DESI2: variants seen among roughly 807,000 people sequenced by gnomAD.
The protein encoded by DESI2 is desumoylating isopeptidase 2, also known as deubiquitinase DESI2.
A neutral mutation model predicts 24.1 loss-of-function variants in DESI2; 10 were observed. The observed-to-expected ratio is 0.41, with a 90% CI of 0.26 to 0.70. The LOEUF is 0.70. DESI2 is among the 30% of genes least tolerant of loss of function. DESI2 has a pLI of 0.29. For missense variants in DESI2, 122 were observed against 234.9 expected, an observed-to-expected ratio of 0.52 and a Z score of 3.14; for synonymous variants, 71 against 87.7, an observed-to-expected ratio of 0.81 and a Z score of 1.06.
rs1172275661 is a variant in DESI2, at chr1:244,661,898, G to T, written c.42+8543G>T. On this transcript the variant is annotated intron_variant, in intron 1 of 4. Transcript: ENST00000302550. ...TGTGCATGTGTCTTTATAGCAGCAT[G>T]ATTTATAATCCTTTGGGTACATACC... Among the ~76,000 whole-genome samples, 3 of 152,206 alleles carry T rather than the reference G, an allele frequency of 2.0e-5. No homozygotes were observed. The South Asian group carries it at 6.2e-4, about 32-fold the overall frequency.
At chr1:244,700,886 C>G (rs1332566691) in intron 4 of DESI2, among the ~76,000 whole-genome samples, 1 of 152,088 alleles carries the variant, frequency 6.6e-6, no homozygotes, top group East Asian at 1.9e-4. Flanking sequence ...TTTTGTTGTT[C>G]TTTCATCTTT....
At chr1:244,664,504 G>C (rs2148785857) in intron 1 of DESI2, among the ~76,000 whole-genome samples, 1 of 152,338 alleles carries the variant, frequency 6.6e-6, no homozygotes, top group East Asian at 1.9e-4. Context: ...CCAGCACTTT[G>C]AGAGGCTGAG....
chr1:244,685,543 C>T (rs1315382605), intron 1 of DESI2, among the ~76,000 whole-genome samples: 3 of 152,028 alleles, frequency 2.0e-5, no homozygotes, highest in Admixed American at 6.6e-5. Context: ...CTTCCAGGTA[C>T]GTTTTATTTT....
intron 2 of DESI2, 150 bp downstream of exon 2, chr1:244,686,819 G>A: frequency 1.9e-6 from 1 of 526,040 alleles, no homozygotes; most frequent in Non-Finnish European, 3.4e-6. Flanking sequence ...CATTTATACT[G>A]CGTTTTGGAA....
chr1:244,674,667 CTGTGGTAGCA>C (rs1429888632), intron 1 of DESI2, among the ~76,000 whole-genome samples: 1 of 152,166 alleles, frequency 6.6e-6, no homozygotes, highest in Non-Finnish European at 1.5e-5. Flanking sequence ...AGGTTCATTC[CTGTGGTAGCA>C]TGCATCAAAT....
intron 1 of DESI2, among the ~76,000 whole-genome samples, chr1:244,671,832 T>C (rs946815663): frequency 3.3e-5 from 5 of 152,358 alleles, no homozygotes; most frequent in East Asian, 1.9e-4. Flanking sequence ...GTTAAACATA[T>C]CAATATTTTA....
intron 1 of DESI2, among the ~76,000 whole-genome samples, chr1:244,672,832 GC>G (rs1217043053): frequency 1.3e-5 from 2 of 151,884 alleles, no homozygotes; most frequent in African/African-American, 4.8e-5. Flanking sequence ...AGCCAAGATC[GC>G]CCCATTGCAC....
At chr1:244,692,401 G>C (rs1056578699) in intron 4 of DESI2, among the ~76,000 whole-genome samples, 1 of 151,532 alleles carries the variant, frequency 6.6e-6, no homozygotes. Flanking sequence ...TAAGTAATTC[G>C]TGTCTTCCAT....
chr1:244,669,693 A>C (rs1156266426), intron 1 of DESI2, among the ~76,000 whole-genome samples: 1 of 152,136 alleles, frequency 6.6e-6, no homozygotes, highest in Non-Finnish European at 1.5e-5. Flanking sequence ...AAAGAAAAAA[A>C]GAAACTAGAC....
chr1:244,694,643 G>A, intron 4 of DESI2: 2 of 832,952 alleles, frequency 2.4e-6, no homozygotes, highest in Non-Finnish European at 4.3e-6. Flanking sequence ...TCTGAAGGTG[G>A]TAGGCCTTAG....
intron 1 of DESI2, among the ~76,000 whole-genome samples, chr1:244,666,972 T>C (rs1459167134): frequency 2.0e-5 from 3 of 152,040 alleles, no homozygotes; most frequent in Admixed American, 1.3e-4. Context: ...AATAGCATGG[T>C]AAAGACTGGC....
intron 4 of DESI2, chr1:244,694,293 T>G (rs777013887): frequency 7.4e-6 from 3 of 407,854 alleles, no homozygotes; most frequent in Non-Finnish European, 1.4e-5. Context: ...GTTTTTACAT[T>G]CTTTTTAAGG....
chr1:244,660,310 C>T (rs1230711085), intron 1 of DESI2, among the ~76,000 whole-genome samples: 3 of 152,074 alleles, frequency 2.0e-5, no homozygotes, highest in Admixed American at 1.3e-4. Context: ...GGACTACAGG[C>T]GTGCGCCACC....
chr1:244,702,698 A>T (rs186363287), intron 4 of DESI2, among the ~76,000 whole-genome samples: 40 of 152,264 alleles, frequency 2.6e-4, no homozygotes, highest in Non-Finnish European at 7.3e-5. Flanking sequence ...TTTCAGTAAA[A>T]CTATCTACAA....
chr1:244,699,658 G>C (rs1311918058), intron 4 of DESI2, among the ~76,000 whole-genome samples: 1 of 137,642 alleles, frequency 7.3e-6, no homozygotes, highest in Non-Finnish European at 1.5e-5. Flanking sequence ...ATCCCTTCCA[G>C]ACAAAAGGTC....
chr1:244,669,991 C>T (rs1676192639), intron 1 of DESI2, among the ~76,000 whole-genome samples: 1 of 149,480 alleles, frequency 6.7e-6, no homozygotes, highest in Non-Finnish European at 1.5e-5. Flanking sequence ...GAGTTTCGCT[C>T]TTGTTCCTAG....
chr1:244,690,560 C>G (rs6698309), intron 3 of DESI2, among the ~76,000 whole-genome samples: 4,999 of 151,952 alleles, frequency 0.033, 262 homozygotes, highest in African/African-American at 0.11. Context: ...ATAAAATTAG[C>G]CAGGCATGGT....
At chr1:244,667,552 T>G (rs765608840) in intron 1 of DESI2, among the ~76,000 whole-genome samples, 5 of 152,220 alleles carry the variant, frequency 3.3e-5, no homozygotes, top group Non-Finnish European at 7.3e-5. Flanking sequence ...ATAAGTTAAC[T>G]AACTTTCCCA....
In DESI2 at chr1:244,708,174, G is replaced by C. The variant is rs1363028753; in HGVS notation, c.*2385G>C. 2.0e-5 allele frequency: 3 copies of C among 152,226 alleles called. No individual in the cohort carries two copies. The highest frequency in any genetic ancestry group is 2.9e-5 in the Non-Finnish European group (2 of 68,042). 9.4% of individuals were successfully genotyped at this position (152,226 alleles called of 1,614,324 possible). A position where few individuals can be genotyped will look rare whatever the true frequency, so the allele number is the denominator to read the frequency against. ...AGAAAAATCCCATATGAACAATCTG[G>C]TCATTAACATACATATGATACGGAG... On this transcript the variant is annotated 3_prime_UTR_variant, in exon 5 of 5. Coordinates refer to ENST00000302550, the MANE Select transcript of DESI2 (RefSeq NM_016076.5).
Sources: gnomAD v4.1 joint callset for allele counts (sites outside exome capture counted in the v4.1 genomes callset) on GRCh38, gnomAD v4.1.1 for gene constraint, MANE v1.5 for transcripts, NCBI Gene and HGNC (gene_info 2026-07-23, HGNC 2026-07-21) for gene names.